Variants in SVIL observed in about 807,000 individuals in gnomAD.
SVIL encodes the protein supervillin, also known as archvillin.
A neutral mutation model predicts 240.4 loss-of-function variants in SVIL; 101 were observed. That is an observed-to-expected ratio of 0.42 (90% confidence interval 0.36 to 0.50). SVIL has a LOEUF of 0.50. Ranked by LOEUF, SVIL falls within the 20% of genes least tolerant of loss-of-function variation. SVIL has a pLI of 0.01. For missense variants in SVIL, 2,512 were observed against 2,818.7 expected (o/e 0.89, Z 2.46); for synonymous variants, 999 against 1,100.0 (o/e 0.91, Z 1.82).
chr10:29,632,139 A>G (rs1365422662), intron 1 of SVIL, among the ~76,000 whole-genome samples: 3 of 152,156 alleles, frequency 2.0e-5, no homozygotes, highest in Admixed American at 2.0e-4. Context: ...CTCACCAGAC[A>G]TCCTTATAAA....
chr10:29,481,384 G>T (rs1946831455), intron 28 of SVIL, among the ~76,000 whole-genome samples, 200 bp downstream of exon 28: 2 of 152,030 alleles, frequency 1.3e-5, no homozygotes, highest in Non-Finnish European at 2.9e-5. Context: ...CTCCTGCACA[G>T]TGGGGTGACT....
chr10:29,691,368 C>T (rs1042686307), intron 1 of SVIL, among the ~76,000 whole-genome samples: 15 of 151,954 alleles, frequency 9.9e-5, no homozygotes, highest in African/African-American at 3.1e-4. Flanking sequence ...CCCACCACCA[C>T]GCCCGGCTAA....
chr10:29,641,862 G>A (rs74131918), intron 3 of SVIL, among the ~76,000 whole-genome samples: 3,685 of 152,260 alleles, frequency 0.024, 145 homozygotes, highest in African/African-American at 0.081. Context: ...AAACCCAGGA[G>A]GGATGCGATT....
intron 27 of SVIL, among the ~76,000 whole-genome samples, chr10:29,482,263 G>C (rs1321617790): frequency 6.6e-6 from 1 of 152,010 alleles, no homozygotes; most frequent in African/African-American, 2.4e-5. Context: ...TGAACTCCTG[G>C]CCTTAAGTGA....
intron 13 of SVIL, among the ~76,000 whole-genome samples, chr10:29,526,457 A>G (rs1950926311): frequency 6.6e-6 from 1 of 151,810 alleles, no homozygotes; most frequent in Non-Finnish European, 1.5e-5. Flanking sequence ...GGCACATGCC[A>G]CCATGCCCAG....
At chr10:29,675,571 C>T (rs1176650443) in intron 2 of SVIL, among the ~76,000 whole-genome samples, 1 of 152,188 alleles carries the variant, frequency 6.6e-6, no homozygotes, top group Non-Finnish European at 1.5e-5. Flanking sequence ...CCCAGAACCT[C>T]ACAAAGCACA....
intron 1 of SVIL, among the ~76,000 whole-genome samples, chr10:29,705,083 G>C (rs952192856): frequency 6.6e-6 from 1 of 152,080 alleles, no homozygotes; most frequent in Admixed American, 6.5e-5. Flanking sequence ...TAAAAATATA[G>C]TAATATAAAC....
intron 16 of SVIL, among the ~76,000 whole-genome samples, chr10:29,518,006 T>A (rs1950324528): frequency 6.6e-6 from 1 of 152,262 alleles, no homozygotes; most frequent in Admixed American, 6.5e-5. Flanking sequence ...GCAATTTTAC[T>A]AATCCGGTGG....
intron 17 of SVIL, among the ~76,000 whole-genome samples, chr10:29,502,779 T>G (rs1395486934): frequency 6.6e-6 from 1 of 152,136 alleles, no homozygotes; most frequent in Non-Finnish European, 1.5e-5. Flanking sequence ...GGTCACAGCT[T>G]GAAACTGTGC....
chr10:29,628,205 C>T (rs926591183), intron 1 of SVIL, among the ~76,000 whole-genome samples: 1 of 152,202 alleles, frequency 6.6e-6, no homozygotes, highest in African/African-American at 2.4e-5. Context: ...ACTTTCATAA[C>T]CTACCTCTTA....
At chr10:29,696,765 C>G (rs1245778338) in intron 1 of SVIL, among the ~76,000 whole-genome samples, 1 of 151,316 alleles carries the variant, frequency 6.6e-6, no homozygotes, top group Non-Finnish European at 1.5e-5. Flanking sequence ...GCTGCCACCC[C>G]GTCTGGGAAG....
At chr10:29,590,489 T>C (rs1333956935) in intron 1 of SVIL, among the ~76,000 whole-genome samples, 1 of 152,190 alleles carries the variant, frequency 6.6e-6, no homozygotes, top group Non-Finnish European at 1.5e-5. Context: ...TCAGATCTTT[T>C]CCTGTTCTGA....
At chr10:29,525,473 G>C (rs1473008099) in intron 13 of SVIL, among the ~76,000 whole-genome samples, 2 of 152,184 alleles carry the variant, frequency 1.3e-5, no homozygotes, top group African/African-American at 4.8e-5. Flanking sequence ...AATTAGCCAG[G>C]CTTGGTGGTG....
At chr10:29,486,383 A>C (rs761314074) in intron 25 of SVIL, 27 bp downstream of exon 25, 1 of 1,610,590 alleles carries the variant, frequency 6.2e-7, no homozygotes, top group Non-Finnish European at 8.5e-7. Flanking sequence ...AAGTCTCGTC[A>C]ATCTCTGAAG....
chr10:29,606,189 G>A (rs866037628), intron 1 of SVIL, among the ~76,000 whole-genome samples: 3 of 151,944 alleles, frequency 2.0e-5, no homozygotes, highest in Admixed American at 6.6e-5. Context: ...GATTACAGGC[G>A]TGCGCCACAG....
chr10:29,506,613 A>G (rs1378769647), intron 17 of SVIL, among the ~76,000 whole-genome samples: 12 of 144,418 alleles, frequency 8.3e-5, no homozygotes, highest in African/African-American at 3.2e-4. Context: ...ACAAGGCCCT[A>G]GAGGGAGGGG....
intron 23 of SVIL, 123 bp downstream of exon 23, chr10:29,488,478 A>G: frequency 8.7e-7 from 1 of 1,155,916 alleles, no homozygotes. Context: ...AACACACAAT[A>G]AGTTCTCAAA....
chr10:29,500,967 T>G (rs1178613060), intron 17 of SVIL, among the ~76,000 whole-genome samples: 1 of 152,112 alleles, frequency 6.6e-6, no homozygotes, highest in Non-Finnish European at 1.5e-5. Context: ...GCGCCTTCCC[T>G]TCCTTTCCAG....
intron 1 of SVIL, among the ~76,000 whole-genome samples, chr10:29,595,327 G>A (rs1956542100): frequency 6.6e-6 from 1 of 152,208 alleles, no homozygotes; most frequent in Non-Finnish European, 1.5e-5. Flanking sequence ...TGGTGAGTTT[G>A]CTAGGGTAAG....
Sources: gnomAD v4.1 joint callset for allele counts (sites outside exome capture counted in the v4.1 genomes callset) on GRCh38, gnomAD v4.1.1 for gene constraint, MANE v1.5 for transcripts, NCBI Gene and HGNC (gene_info 2026-07-23, HGNC 2026-07-21) for gene names.